DNMT1: variants seen among roughly 807,000 people sequenced by gnomAD.
The protein encoded by DNMT1 is DNA (cytosine-5)-methyltransferase 1.
A neutral mutation model predicts 205.3 loss-of-function variants in DNMT1; 24 were observed. The observed-to-expected ratio is 0.12, with a 90% CI of 0.08 to 0.16. DNMT1 has a LOEUF of 0.16. Among genes scored for constraint, DNMT1 ranks in the 10% least tolerant of loss-of-function variants. DNMT1 has a pLI of 1.00. For synonymous variants in DNMT1, 817 were observed against 839.8 expected (o/e 0.97, Z 0.47); for missense variants, 1,293 against 2,177.7 (o/e 0.59, Z 8.09).
chr19:10,134,820 T>C (rs1030428096), intron 39 of DNMT1, among the ~76,000 whole-genome samples: 1 of 144,930 alleles, frequency 6.9e-6, no homozygotes, highest in Non-Finnish European at 1.5e-5. Flanking sequence ...ATCATGTCAC[T>C]GCACTCCAGC....
At chr19:10,157,566 C>T (rs2038483644) in intron 17 of DNMT1, among the ~76,000 whole-genome samples, 1 of 152,220 alleles carries the variant, frequency 6.6e-6, no homozygotes, top group South Asian at 2.1e-4. Context: ...GCCAAAGATG[C>T]TGGGCTATCC....
At chr19:10,175,298 T>C (rs565807174) in intron 7 of DNMT1, among the ~76,000 whole-genome samples, 49 of 152,166 alleles carry the variant, frequency 3.2e-4, no homozygotes, top group South Asian at 1.9e-3. Context: ...ATTCCAACTA[T>C]GTACCCATAA....
chr19:10,137,015 C>T lies in DNMT1; in HGVS notation c.4489+70G>A. The T allele has an allele frequency of 6.4e-7, 1 of 1,561,518 alleles. No homozygotes were observed. The highest frequency in any genetic ancestry group is 8.7e-7 in the Non-Finnish European group (1 of 1,150,960). On this transcript the variant is annotated intron_variant, in intron 37 of 40. Transcript: ENST00000359526. The surrounding 1 kb of genome is among the most constrained non-coding windows in gnomAD (Gnocchi z 6.4). ...TGCCCTGCCCTGGCCTCCAGGTTCA[C>T]AGGCCAAAGGCCCAGGGCTCTGCCT...
At position 10,148,923 on chromosome 19, in the gene DNMT1, G is replaced by T; in HGVS notation, c.2681C>A (p.Ser894Tyr). 1 of 1,614,206 alleles carries T rather than the reference G, an allele frequency of 6.2e-7. No individual in the cohort carries two copies. Residue 894 changes from serine (S) to tyrosine (Y), a missense_variant, in exon 27 of 41, where the codon TCC (serine) becomes TAC (tyrosine). Physicochemically the swap from Ser to Tyr is moderately radical, Grantham distance 144 (BLOSUM62 -2). Around this residue, in one of 13 missense-constraint regions of DNMT1, gnomAD observed 112 missense variants for 116.6 expected, o/e 0.96. Coordinates refer to ENST00000359526, the MANE Select transcript of DNMT1 (RefSeq NM_001130823.3). Reference sequence around the variant, plus strand: ...CTCTGTTGGCTGGGTTTTTGGAGGGGACTCGAATCTCGCGTAGTCTTGATC... The same window carrying T: ...CTCTGTTGGCTGGGTTTTTGGAGGGTACTCGAATCTCGCGTAGTCTTGATC... Reference protein sequence around the residue: ...WYDQDYARFESPPKTQPTEDN... With the variant: ...WYDQDYARFEYPPKTQPTEDN...
chr19:10,182,384 CATATATATGTGTAT>C (rs2039068236), intron 1 of DNMT1, among the ~76,000 whole-genome samples: 2 of 140,084 alleles, frequency 1.4e-5, no homozygotes, highest in Admixed American at 7.3e-5. Flanking sequence ...TATATATATA[CATATATATGTGTAT>C]ATATATACAT....
In DNMT1 at chr19:10,180,251, A is replaced by T; in HGVS notation, c.446-17T>A. ...CTCTTGAACCTGGGAGGCAGAGGTTACAGTGAGCCGAGGTTACACCACTGT... is the reference window on the plus strand; with the variant it reads ...CTCTTGAACCTGGGAGGCAGAGGTTTCAGTGAGCCGAGGTTACACCACTGT... On this transcript the variant is annotated splice_polypyrimidine_tract_variant and intron_variant, in intron 4 of 40. Coordinates refer to ENST00000359526, the MANE Select transcript of DNMT1 (RefSeq NM_001130823.3). 1 of 1,430,558 alleles carries T rather than the reference A, an allele frequency of 7.0e-7. No individual in the cohort carries two copies. Among genetic ancestry groups the T allele is most frequent in the Non-Finnish European group, 9.6e-7 (1 of 1,040,724 alleles). The allele number at this position is 1,430,558 out of a possible 1,614,324, so 88.6% of individuals were successfully genotyped here. A position where few individuals can be genotyped will look rare whatever the true frequency, so the allele number is the denominator to read the frequency against.
rs1210097019 is a variant in DNMT1, at chr19:10,162,701, G to A, written c.974C>T (p.Pro325Leu). 2 of 1,613,662 alleles carry A rather than the reference G, an allele frequency of 1.2e-6. No individual in the cohort carries two copies. The highest frequency in any genetic ancestry group is 4.5e-5 in the East Asian group (2 of 44,880). ...PEEKEPEKVNPQISDEKDEDE... is the reference protein window; with the variant it reads ...PEEKEPEKVNLQISDEKDEDE... ...CTCGTCTTTTTCATCAGAAATCTGTGGATTTACTTTTTCAGGTTCTTTTTC... is the reference window on the plus strand; with the variant it reads ...CTCGTCTTTTTCATCAGAAATCTGTAGATTTACTTTTTCAGGTTCTTTTTC... Residue 325 changes from proline to leucine, a missense_variant, in exon 13 of 41, where the codon CCA becomes CTA. Coordinates refer to ENST00000359526, the MANE Select transcript of DNMT1 (RefSeq NM_001130823.3).
chr19:10,171,071 A>G (rs746600162), intron 9 of DNMT1, among the ~76,000 whole-genome samples: 1 of 152,004 alleles, frequency 6.6e-6, no homozygotes, highest in Non-Finnish European at 1.5e-5. Flanking sequence ...GCCTCCCAAA[A>G]TGCTAGAATT....
At chr19:10,135,524 A>C in intron 39 of DNMT1, 1 of 597,852 alleles carries the variant, frequency 1.7e-6, no homozygotes, top group East Asian at 2.9e-5. Flanking sequence ...TGCCTCAAAA[A>C]CAAACAGTAA....
At position 10,157,247 on chromosome 19, in the gene DNMT1, T is replaced by G. The variant is rs376044455; in HGVS notation, c.1281-738A>C. On this transcript the variant is annotated intron_variant, in intron 17 of 40. Transcript: ENST00000359526. ...CCGGCAACCACCAATCTGCTTTCTA[T>G]ACCTATGAATTCACCTATTCAAGAT... Among the ~76,000 whole-genome samples, 56 of 152,294 alleles carry G rather than the reference T, an allele frequency of 3.7e-4. No individual in the cohort carries two copies. The East Asian group carries it at 8.1e-3, about 22-fold the overall frequency.
At chr19:10,160,095 T>C in intron 14 of DNMT1, 32 bp from the exon 15 acceptor site, 3 of 1,610,812 alleles carry the variant, frequency 1.9e-6, no homozygotes, top group Non-Finnish European at 2.5e-6. Context: ...CAAGATCGTT[T>C]GTTTAATTGT....
chr19:10,136,053 C>G, intron 38 of DNMT1, 68 bp downstream of exon 38: 1 of 1,607,810 alleles, frequency 6.2e-7, no homozygotes, highest in Non-Finnish European at 8.5e-7. Context: ...TAAACCCACA[C>G]TTCCACCTAG....
At chr19:10,174,824 A>T (rs1339289332) in intron 7 of DNMT1, among the ~76,000 whole-genome samples, 1 of 151,918 alleles carries the variant, frequency 6.6e-6, no homozygotes, top group Non-Finnish European at 1.5e-5. Flanking sequence ...CCTAAGCTCA[A>T]GGAGTTCGAG....
At chr19:10,183,016 CATAT>C (rs927551092) in intron 1 of DNMT1, among the ~76,000 whole-genome samples, 2 of 145,514 alleles carry the variant, frequency 1.4e-5, no homozygotes, top group African/African-American at 5.1e-5. Flanking sequence ...TGTATATATA[CATAT>C]ATATGTGTAT....
intron 38 of DNMT1, 68 bp downstream of exon 38, chr19:10,136,053 C>A: frequency 1.2e-6 from 2 of 1,607,810 alleles, no homozygotes; most frequent in South Asian, 1.1e-5. Context: ...TAAACCCACA[C>A]TTCCACCTAG....
intron 17 of DNMT1, among the ~76,000 whole-genome samples, chr19:10,158,603 TG>T (rs1309543660): frequency 2.6e-5 from 4 of 152,046 alleles, no homozygotes; most frequent in Non-Finnish European, 5.9e-5. Context: ...GGGAGCAAAA[TG>T]GGGCTGGGGA....
intron 28 of DNMT1, 194 bp from the exon 29 acceptor site, chr19:10,144,181 A>C: frequency 1.6e-6 from 1 of 633,430 alleles, no homozygotes; most frequent in Non-Finnish European, 2.8e-6. Context: ...AGACCAAGGC[A>C]GGTGGACCAC....
In DNMT1 at chr19:10,137,515, G is replaced by T; in HGVS notation, c.4294-235C>A. 1 of 640,894 alleles carries T rather than the reference G, an allele frequency of 1.6e-6. No individual in the cohort carries two copies. Among genetic ancestry groups the T allele is most frequent in the Non-Finnish European group, 2.7e-6 (1 of 370,760 alleles). The allele number at this position is 640,894 out of a possible 1,614,324, so 39.7% of individuals were successfully genotyped here. A position where few individuals can be genotyped will look rare whatever the true frequency, so the allele number is the denominator to read the frequency against. On this transcript the variant is annotated intron_variant, in intron 36 of 40. Coordinates refer to ENST00000359526, the MANE Select transcript of DNMT1 (RefSeq NM_001130823.3). This position sits in a 1 kb window ranked among gnomAD's most constrained non-coding sequence, Gnocchi z 6.4. Reference sequence around the variant, plus strand: ...GCTGAGCCTTTAGGGTGGGGGAAGGGGAGTGGTGCCAGGGGATGGTGAAAG... The same window carrying T: ...GCTGAGCCTTTAGGGTGGGGGAAGGTGAGTGGTGCCAGGGGATGGTGAAAG...
rs560935745 is a variant in DNMT1 at position 10,137,382 on chromosome 19, C to T, written c.4294-102G>A. The T allele has an allele frequency of 5.1e-5, 71 of 1,404,010 alleles. No homozygotes were observed. The African/African-American group carries it at 9.8e-4, about 19-fold the overall frequency. The allele number at this position is 1,404,010 out of a possible 1,614,324, so 87.0% of individuals were successfully genotyped here. On this transcript the variant is annotated intron_variant, in intron 36 of 40. Transcript: ENST00000359526. The surrounding 1 kb of genome is among the most constrained non-coding windows in gnomAD (Gnocchi z 6.4). ...AACACCATGGTGACCAGGAAGCCCCCTGGGGCTCACGCCCATCGGGAAAGA... is the reference window on the plus strand; with the variant it reads ...AACACCATGGTGACCAGGAAGCCCCTTGGGGCTCACGCCCATCGGGAAAGA...
Sources: gnomAD v4.1 joint callset for allele counts (sites outside exome capture counted in the v4.1 genomes callset) on GRCh38, gnomAD v4.1.1 for gene constraint, gnomAD v4.1.1 regional missense constraint, Gnocchi (gnomAD v3.1) non-coding constraint, MANE v1.5 for transcripts, NCBI Gene and HGNC (gene_info 2026-07-23, HGNC 2026-07-21) for gene names.